STEAP1B: variants seen among roughly 807,000 people sequenced by gnomAD.
STEAP1B encodes STEAP family protein MGC87042.
STEAP1B carries 13 observed loss-of-function variants against 27.9 expected under a neutral mutation model. The observed-to-expected ratio is 0.47, with a 90% confidence interval of 0.30 to 0.74. The LOEUF is 0.74. Ranked by LOEUF, STEAP1B falls within the 30% of genes least tolerant of loss-of-function variation. The pLI is 0.06. For missense variants in STEAP1B, 250 were observed against 298.7 expected (o/e 0.84, Z 1.20); for synonymous variants, 86 against 107.1 (o/e 0.80, Z 1.22).
At chr7:22,452,475 G>C (rs1785507449) in intron 4 of STEAP1B, among the ~76,000 whole-genome samples, 1 of 152,026 alleles carries the variant, frequency 6.6e-6, no homozygotes, top group Admixed American at 6.6e-5. Flanking sequence ...AAGAAGAGCC[G>C]GTAATGCGGT....
chr7:22,436,642 G>C (rs1218452825), intron 4 of STEAP1B, among the ~76,000 whole-genome samples: 3 of 151,510 alleles, frequency 2.0e-5, no homozygotes, highest in Non-Finnish European at 4.4e-5. Context: ...GAGAACATGT[G>C]GTATTTGGTT....
chr7:22,438,877 A>C, intron 4 of STEAP1B: 1 of 1,219,058 alleles, frequency 8.2e-7, no homozygotes, highest in Non-Finnish European at 1.1e-6. Context: ...AATGGGATAA[A>C]ATCTCAACTA....
chr7:22,438,543 A>G, intron 4 of STEAP1B: 1 of 1,551,982 alleles, frequency 6.4e-7, no homozygotes, highest in Non-Finnish European at 8.7e-7. Flanking sequence ...GATTTTCTAG[A>G]TGAAGCTGAA....
chr7:22,491,587 A>C (rs1463148272), intron 4 of STEAP1B, among the ~76,000 whole-genome samples: 1 of 152,206 alleles, frequency 6.6e-6, no homozygotes, highest in African/African-American at 2.4e-5. Flanking sequence ...AGAGAGAAAA[A>C]AGGTATTCTT....
intron 4 of STEAP1B, among the ~76,000 whole-genome samples, chr7:22,481,150 T>A (rs182792477): frequency 1.3e-3 from 197 of 152,332 alleles, no homozygotes; most frequent in Non-Finnish European, 2.4e-3. Context: ...GTGGCTGACC[T>A]TGAATCCAGG....
intron 4 of STEAP1B, among the ~76,000 whole-genome samples, chr7:22,468,064 T>G (rs1014387952): frequency 6.6e-5 from 10 of 152,224 alleles, no homozygotes; most frequent in African/African-American, 2.4e-4. Flanking sequence ...AGAATATTTT[T>G]TTCTTATTTG....
chr7:22,459,938 T>C (rs1429696077), intron 4 of STEAP1B, among the ~76,000 whole-genome samples: 1 of 152,132 alleles, frequency 6.6e-6, no homozygotes, highest in Admixed American at 6.5e-5. Flanking sequence ...ATAGCGTAAT[T>C]TGGTTCAGGT....
At chr7:22,421,601 G>A (rs1785043574) in intron 4 of STEAP1B, among the ~76,000 whole-genome samples, 1 of 152,190 alleles carries the variant, frequency 6.6e-6, no homozygotes, top group Non-Finnish European at 1.5e-5. Context: ...GCTCAGTTCT[G>A]TATATTTACT....
chr7:22,461,000 T>A (rs1391738188), intron 4 of STEAP1B, among the ~76,000 whole-genome samples: 2 of 152,158 alleles, frequency 1.3e-5, no homozygotes, highest in Non-Finnish European at 2.9e-5. Context: ...GGCAATACAT[T>A]GATAAATGAC....
chr7:22,453,681 A>T (rs1019933846), intron 4 of STEAP1B, among the ~76,000 whole-genome samples: 2 of 152,242 alleles, frequency 1.3e-5, no homozygotes, highest in African/African-American at 4.8e-5. Context: ...ATCCAAAAAG[A>T]TCCCTTGTGT....
chr7:22,477,249 T>C (rs1785988897), intron 4 of STEAP1B, among the ~76,000 whole-genome samples: 1 of 152,190 alleles, frequency 6.6e-6, no homozygotes, highest in Non-Finnish European at 1.5e-5. Context: ...CCACTTGTTT[T>C]GACATTGACT....
At chr7:22,459,739 A>G (rs1398369270) in intron 4 of STEAP1B, among the ~76,000 whole-genome samples, 2 of 152,154 alleles carry the variant, frequency 1.3e-5, no homozygotes, top group Non-Finnish European at 1.5e-5. Context: ...AACTCGTATC[A>G]TAAACTTATG....
At chr7:22,465,192 T>G (rs1785755584) in intron 4 of STEAP1B, among the ~76,000 whole-genome samples, 1 of 151,718 alleles carries the variant, frequency 6.6e-6, no homozygotes, top group African/African-American at 2.4e-5. Context: ...GATGAATTCA[T>G]GTCCAGAGCC....
In STEAP1B at chr7:22,419,822, G is replaced by A. The variant is rs1456193716; in HGVS notation, c.777C>T (p.Ile259=). 1 of 1,550,126 alleles carries A rather than the reference G, an allele frequency of 6.5e-7. No individual in the cohort carries two copies. Among genetic ancestry groups the A allele is most frequent in the East Asian group, 2.4e-5 (1 of 40,848 alleles). The part of the protein sequence containing the change: ...EFHYIQVHGR[I]NFLTL Reference sequence around the variant, plus strand: ...GGATCTGTCACAAGGTCAGGAAGTTGATCCTACCATGTACCTGGAAGGCAG... The same window carrying A: ...GGATCTGTCACAAGGTCAGGAAGTTAATCCTACCATGTACCTGGAAGGCAG... The change falls in exon 5 of 5, where the codon ATC becomes ATT. Residue 259 remains isoleucine (I), a synonymous_variant. Coordinates refer to ENST00000678116, the MANE Select transcript of STEAP1B (RefSeq NM_001382447.1).
At chr7:22,442,994 G>C (rs902162361) in intron 4 of STEAP1B, among the ~76,000 whole-genome samples, 1 of 152,148 alleles carries the variant, frequency 6.6e-6, no homozygotes, top group African/African-American at 2.4e-5. Context: ...AGCAGCTCCA[G>C]CACGCCCTGG....
At chr7:22,454,865 A>ATATTTTTTTTTTTTTTTT (rs1311730510) in intron 4 of STEAP1B, among the ~76,000 whole-genome samples, 1 of 126,164 alleles carries the variant, frequency 7.9e-6, no homozygotes, top group African/African-American at 3.2e-5. Flanking sequence ...ATATATATAT[A>ATATTTTTTTTTTTTTTTT]TTTTTTTTTT....
intron 4 of STEAP1B, among the ~76,000 whole-genome samples, chr7:22,442,228 C>A (rs2686526): frequency 0.36 from 54,484 of 152,098 alleles, 9,809 homozygotes; most frequent in Middle Eastern, 0.46. Flanking sequence ...ATATTCATAG[C>A]CCAGGACTGA....
chr7:22,470,093 T>C (rs1050224764), intron 4 of STEAP1B, among the ~76,000 whole-genome samples: 14 of 152,224 alleles, frequency 9.2e-5, no homozygotes, highest in Admixed American at 2.0e-4. Flanking sequence ...AGTACATCCA[T>C]TGCCCATATC....
chr7:22,491,136 G>C lies in STEAP1B; in HGVS notation c.762+1429C>G, dbSNP rs528069946. 2.0e-5 allele frequency among the ~76,000 whole-genome samples: 3 copies of C among 152,304 alleles called. No homozygotes were observed. The South Asian group carries it at 6.2e-4, about 32-fold the overall frequency. The stretch of plus-strand genomic sequence containing the variant: ...AAGTGCACATCGTTTTAGAATTGGA[G>C]TATCTTTCTAATTACTGAACAGCTC... On this transcript the variant is annotated intron_variant, in intron 4 of 4. Coordinates refer to ENST00000678116, the MANE Select transcript of STEAP1B (RefSeq NM_001382447.1).
Sources: gnomAD v4.1 joint callset for allele counts (sites outside exome capture counted in the v4.1 genomes callset) on GRCh38, gnomAD v4.1.1 for gene constraint, MANE v1.5 for transcripts, NCBI Gene and HGNC (gene_info 2026-07-23, HGNC 2026-07-21) for gene names.